Variants in ERICH1 observed in about 807,000 individuals in gnomAD.
ERICH1 encodes the protein glutamate-rich protein 1.
In ERICH1, 56 loss-of-function variants were observed where a neutral mutation model predicts 39.6. That is an observed-to-expected ratio of 1.41 (90% confidence interval 1.14 to 1.77). The LOEUF is 1.77. Among genes scored for constraint, ERICH1 ranks in the 40% most tolerant of loss-of-function variants. The pLI is 0.00. For missense variants in ERICH1, 826 were observed against 575.4 expected, an observed-to-expected ratio of 1.44 and a Z score of -4.45; for synonymous variants, 313 against 223.6, an observed-to-expected ratio of 1.40 and a Z score of -3.57.
chr8:676,661 G>GC (rs1336554057), intron 3 of ERICH1, among the ~76,000 whole-genome samples: 1 of 152,150 alleles, frequency 6.6e-6, no homozygotes. Context: ...CACACGCCCC[G>GC]CCCCACACCC....
intron 3 of ERICH1, among the ~76,000 whole-genome samples, chr8:655,554 C>T (rs560214811): frequency 7.3e-4 from 111 of 152,206 alleles, no homozygotes; most frequent in Non-Finnish European, 1.3e-3. Context: ...ACCCAGGGGC[C>T]GAGTGGATCA....
At chr8:716,515 A>G (rs1816044166) in intron 1 of ERICH1, among the ~76,000 whole-genome samples, 1 of 152,250 alleles carries the variant, frequency 6.6e-6, no homozygotes, top group African/African-American at 2.4e-5. Flanking sequence ...TCTCTCCCTT[A>G]AACTGAACGT....
Position 731,184 on chromosome 8 carries a change from A to C in ERICH1, c.-23T>G, listed in dbSNP as rs932544230. 2 of 1,497,766 alleles carry C rather than the reference A, an allele frequency of 1.3e-6. No individual in the cohort carries two copies. The highest frequency in any genetic ancestry group is 2.9e-5 in the African/African-American group (2 of 69,754). 92.8% of individuals were successfully genotyped at this position (1,497,766 alleles called of 1,614,324 possible). ...CATGCGGGACCCTGCCGCGGACCTC[A>C]GACCACGGCGCGCGGTCCTGAGCTG... On this transcript the variant is annotated 5_prime_UTR_variant, in exon 1 of 6. Coordinates refer to ENST00000262109, the MANE Select transcript of ERICH1 (RefSeq NM_207332.3).
chr8:707,767 C>T (rs1243998836), intron 2 of ERICH1, among the ~76,000 whole-genome samples: 3 of 152,252 alleles, frequency 2.0e-5, no homozygotes, highest in Non-Finnish European at 4.4e-5. Flanking sequence ...ATAAAAAACA[C>T]AGGCAACAAA....
intron 2 of ERICH1, among the ~76,000 whole-genome samples, chr8:697,127 CAT>C (rs1046285251): frequency 1.3e-5 from 2 of 152,200 alleles, no homozygotes; most frequent in Non-Finnish European, 2.9e-5. Context: ...CAGATGGACA[CAT>C]ATTCTTCTTT....
In ERICH1 at chr8:687,286, A is replaced by G. The variant is rs553546389; in HGVS notation, c.304+5192T>C. 5.8e-4 allele frequency among the ~76,000 whole-genome samples: 88 copies of G among 152,328 alleles called. 1 individual carries two copies. Among genetic ancestry groups the G allele is most frequent in the Non-Finnish European group, 8.1e-4 (55 of 68,032 alleles). On this transcript the variant is annotated intron_variant, in intron 3 of 5. Coordinates refer to ENST00000262109, the MANE Select transcript of ERICH1 (RefSeq NM_207332.3). ...CACCGCTTGTGATTAGGAACCGGGG[A>G]AACACTAACACTTGCCTTACGGGCT...
intron 3 of ERICH1, among the ~76,000 whole-genome samples, chr8:648,502 C>CAAA (rs531723403): frequency 1.3e-3 from 18 of 13,722 alleles, no homozygotes; most frequent in Non-Finnish European, 2.1e-3. Flanking sequence ...AAAGAAAAAG[C>CAAA]AAAAAAAAAA....
intron 3 of ERICH1, chr8:616,447 T>G (rs1201174594): frequency 2.2e-6 from 1 of 448,122 alleles, no homozygotes; most frequent in Non-Finnish European, 4.5e-6. Flanking sequence ...CTCTCCTGGC[T>G]AAGCGGATTC....
chr8:656,972 C>A (rs1429936142), intron 3 of ERICH1: 4 of 471,752 alleles, frequency 8.5e-6, no homozygotes, highest in East Asian at 3.0e-4. Flanking sequence ...TTTTTAAGAG[C>A]AAACAATTTT....
chr8:707,354 C>T (rs78073170), intron 2 of ERICH1, among the ~76,000 whole-genome samples: 9,104 of 151,940 alleles, frequency 0.06, 497 homozygotes, highest in African/African-American at 0.14. Flanking sequence ...ACTACAGGTA[C>T]CTGCCACCAT....
At position 639,797 on chromosome 8, in the gene ERICH1, C is replaced by T. The variant is rs558314251; in HGVS notation, c.977-24513G>A. Among the ~76,000 whole-genome samples, 242 of 126,708 alleles carry T rather than the reference C, an allele frequency of 1.9e-3. 20 individuals carry two copies. The highest frequency in any genetic ancestry group is 3.3e-3 in the Non-Finnish European group (197 of 59,958). The allele number at this position is 126,708 out of a possible 152,430, so 83.1% of individuals were successfully genotyped here. A position where few individuals can be genotyped will look rare whatever the true frequency, so the allele number is the denominator to read the frequency against. On this transcript the variant is annotated intron_variant, in intron 3 of 3. Coordinates refer to the ERICH1 transcript ENST00000522706. ...TCCAGTTAGCACACATGACCGAGCA[C>T]CCTGGATTCACAGGCAGCCACGAAT...
In ERICH1 at chr8:615,302, G is replaced by C. The variant is rs541845203; in HGVS notation, c.977-18C>G. The C allele has an allele frequency of 1.5e-4, 99 of 674,908 alleles. No individual in the cohort carries two copies. The African/African-American group carries it at 1.6e-3, about 11-fold the overall frequency. The allele number at this position is 674,908 out of a possible 1,614,324, so 41.8% of individuals were successfully genotyped here. On this transcript the variant is annotated intron_variant, in intron 3 of 3. Coordinates refer to the ERICH1 transcript ENST00000522706. ...TAGGACTCCTGGAAAATCAGGTTAA[G>C]GGAGATCAGTTGTGTTCATCATTTT...
intron 2 of ERICH1, among the ~76,000 whole-genome samples, chr8:703,848 T>C (rs1314652056): frequency 1.3e-5 from 2 of 152,036 alleles, no homozygotes; most frequent in Non-Finnish European, 2.9e-5. Context: ...AAACCGAAGA[T>C]TGAAAGCAAA....
At chr8:623,722 T>C (rs1284625618) in intron 3 of ERICH1, among the ~76,000 whole-genome samples, 1 of 152,156 alleles carries the variant, frequency 6.6e-6, no homozygotes, top group Non-Finnish European at 1.5e-5. Context: ...TGAACCCCTT[T>C]CTTGCACTAC....
At chr8:644,230 G>A (rs1207021020) in intron 3 of ERICH1, among the ~76,000 whole-genome samples, 2 of 152,234 alleles carry the variant, frequency 1.3e-5, no homozygotes, top group Admixed American at 6.5e-5. Flanking sequence ...CCCGTCCTAA[G>A]GCGAGTGCCT....
At chr8:695,466 A>C (rs1429044559) in intron 2 of ERICH1, among the ~76,000 whole-genome samples, 5 of 151,992 alleles carry the variant, frequency 3.3e-5, no homozygotes, top group Non-Finnish European at 7.4e-5. Context: ...CCTCTGAGAG[A>C]GCACAGCAGC....
Position 664,541 on chromosome 8 carries a change from C to T in ERICH1, c.*62G>A, listed in dbSNP as rs1801896816. 6.4e-7 allele frequency: 1 copy of T among 1,563,864 alleles called. No homozygotes were observed. Among genetic ancestry groups the T allele is most frequent in the Non-Finnish European group, 8.6e-7 (1 of 1,156,640 alleles). The stretch of plus-strand genomic sequence containing the variant: ...CCCAGAGAACTAACTCTAAGCCCAT[C>T]TCACATTTGTCTTTTAAGTTTTTTT... On this transcript the variant is annotated 3_prime_UTR_variant, in exon 6 of 6. Coordinates refer to ENST00000262109, the MANE Select transcript of ERICH1 (RefSeq NM_207332.3).
chr8:671,475 C>T (rs1459976177), intron 4 of ERICH1, among the ~76,000 whole-genome samples: 1 of 144,756 alleles, frequency 6.9e-6, no homozygotes. Context: ...GCTCCGACCT[C>T]TGAACGTGCC....
At position 692,465 on chromosome 8, in the gene ERICH1, C is replaced by T. The variant is rs749352769; in HGVS notation, c.304+13G>A. The T allele has an allele frequency of 6.2e-7, 1 of 1,613,888 alleles. No homozygotes were observed. Among genetic ancestry groups the T allele is most frequent in the African/African-American group, 1.3e-5 (1 of 74,896 alleles). ...GCAAAGATGTCTACCTTTCCTCCCA[C>T]CCAGCATTTTACCTTCTGTGTCATC... On this transcript the variant is annotated intron_variant, in intron 3 of 5. Coordinates refer to ENST00000262109, the MANE Select transcript of ERICH1 (RefSeq NM_207332.3).
Sources: allele counts gnomAD v4.1 joint callset (sites outside exome capture counted in the v4.1 genomes callset), GRCh38; gene constraint gnomAD v4.1.1; transcripts MANE v1.5; gene names NCBI Gene and HGNC (gene_info 2026-07-23, HGNC 2026-07-21).